Variants in SNX31 observed in about 807,000 individuals in gnomAD.
The protein encoded by SNX31 is sorting nexin 31.
Under a neutral mutation model 65.4 loss-of-function variants are expected in SNX31, and 58 were observed. The ratio of observed to expected loss-of-function variants is 0.89; its 90% CI spans 0.72 to 1.10. SNX31 has a LOEUF of 1.10. Ranked by LOEUF, SNX31 falls within the 50% of genes least tolerant of loss-of-function variation. SNX31 has a pLI of 0.00. For synonymous variants in SNX31, 181 were observed against 190.1 expected (o/e 0.95, Z 0.39); for missense variants, 523 against 529.7 (o/e 0.99, Z 0.12).
intron 2 of SNX31, among the ~76,000 whole-genome samples, chr8:100,637,001 G>A (rs1004980377): frequency 6.6e-6 from 1 of 152,172 alleles, no homozygotes; most frequent in Non-Finnish European, 1.5e-5. Context: ...GATTACAGGC[G>A]TGAGCCACCA....
chr8:100,607,500 G>A (rs755377488), intron 8 of SNX31, among the ~76,000 whole-genome samples: 1 of 152,134 alleles, frequency 6.6e-6, no homozygotes, highest in Non-Finnish European at 1.5e-5. Context: ...AATTTTCAGG[G>A]TCTACCTAGT....
chr8:100,644,189 C>T (rs1819467399), intron 2 of SNX31, among the ~76,000 whole-genome samples: 1 of 152,112 alleles, frequency 6.6e-6, no homozygotes, highest in African/African-American at 2.4e-5. Flanking sequence ...ACTGAACCAG[C>T]GCACACAGGC....
intron 5 of SNX31, among the ~76,000 whole-genome samples, chr8:100,617,034 C>A (rs188826285): frequency 6.6e-6 from 1 of 152,094 alleles, no homozygotes; most frequent in African/African-American, 2.4e-5. Context: ...CCCCACTCAG[C>A]AGATGGAAAA....
At chr8:100,627,629 C>T (rs890049592) in intron 4 of SNX31, among the ~76,000 whole-genome samples, 1 of 152,158 alleles carries the variant, frequency 6.6e-6, no homozygotes, top group African/African-American at 2.4e-5. Context: ...GTAACCTCCA[C>T]CTCCTGGGTT....
At position 100,629,033 on chromosome 8, in the gene SNX31, G is replaced by T. The variant is rs539253563; in HGVS notation, c.321+1294C>A. Among the ~76,000 whole-genome samples, 102 of 152,222 alleles carry T rather than the reference G, an allele frequency of 6.7e-4. No individual in the cohort carries two copies. The highest frequency in any genetic ancestry group is 1.2e-3 in the South Asian group (6 of 4,812). Reference sequence around the variant, plus strand: ...ATAGTATACAGGTTTGTAGCCTAGGGGCAGTAGGCTCTACCATCTAGGTTT... The same window carrying T: ...ATAGTATACAGGTTTGTAGCCTAGGTGCAGTAGGCTCTACCATCTAGGTTT... On this transcript the variant is annotated intron_variant, in intron 4 of 13. Transcript: ENST00000311812. This position sits in a 1 kb window ranked among gnomAD's most constrained non-coding sequence, Gnocchi z 5.1.
At chr8:100,591,388 C>T (rs1814563736) in intron 10 of SNX31, among the ~76,000 whole-genome samples, 1 of 150,474 alleles carries the variant, frequency 6.6e-6, no homozygotes, top group Non-Finnish European at 1.5e-5. Context: ...ACTCGGGAGG[C>T]TGAGGCAGGA....
At chr8:100,584,248 C>T (rs897792486) in intron 11 of SNX31, 60 bp from the exon 12 acceptor site, 4 of 1,352,024 alleles carry the variant, frequency 3.0e-6, no homozygotes, top group Non-Finnish European at 2.0e-6. Context: ...CTCTTTCTTC[C>T]CTCCTCACAC....
intron 3 of SNX31, among the ~76,000 whole-genome samples, chr8:100,631,935 G>A (rs1818443519): frequency 6.6e-6 from 1 of 152,190 alleles, no homozygotes; most frequent in Non-Finnish European, 1.5e-5. Context: ...TGACTATTAA[G>A]TACCAGTATT....
At chr8:100,636,792 G>A (rs1818807462) in intron 2 of SNX31, among the ~76,000 whole-genome samples, 2 of 151,982 alleles carry the variant, frequency 1.3e-5, no homozygotes, top group Admixed American at 1.3e-4. Flanking sequence ...CTCAATCTTG[G>A]CTCACTGCAA....
At chr8:100,635,176 C>T (rs1818673562) in intron 3 of SNX31, among the ~76,000 whole-genome samples, 1 of 149,000 alleles carries the variant, frequency 6.7e-6, no homozygotes, top group Admixed American at 6.8e-5. Context: ...TCACTTGAGC[C>T]CAGAAATTTG....
At chr8:100,577,858 C>A (rs1813177017) in intron 12 of SNX31, among the ~76,000 whole-genome samples, 1 of 152,162 alleles carries the variant, frequency 6.6e-6, no homozygotes, top group African/African-American at 2.4e-5. Flanking sequence ...GAAATAAACA[C>A]CCTACTCTCA....
At chr8:100,661,349 ACTAAGG>A (rs886894500) in intron 1 of SNX31, among the ~76,000 whole-genome samples, 14 of 151,984 alleles carry the variant, frequency 9.2e-5, no homozygotes, top group Admixed American at 2.0e-4. Flanking sequence ...GATGAAAAAC[ACTAAGG>A]CCCAGAGAGG....
At position 100,596,860 on chromosome 8, in the gene SNX31, A is replaced by G. The variant is rs748401760; in HGVS notation, c.775-18T>C. The G allele has an allele frequency of 4.3e-6, 7 of 1,611,758 alleles. No homozygotes were observed. The African/African-American group carries it at 6.7e-5, about 15-fold the overall frequency. The stretch of plus-strand genomic sequence containing the variant: ...TCCAAAAACTGCTCCAAAGAGGGTG[A>G]TGTGGGGGGAGGGGAGGCAAGAGGA... On this transcript the variant is annotated intron_variant, in intron 9 of 13. Coordinates refer to ENST00000311812, the MANE Select transcript of SNX31 (RefSeq NM_152628.4).
upstream of SNX31, among the ~76,000 whole-genome samples, chr8:100,653,395 A>T (rs1214335443): frequency 1.3e-5 from 2 of 152,218 alleles, no homozygotes; most frequent in East Asian, 3.8e-4. Context: ...CAGACATCAT[A>T]AGGTAAGGCT....
At chr8:100,641,613 C>CCT (rs1334264136) in intron 2 of SNX31, among the ~76,000 whole-genome samples, 1 of 68,682 alleles carries the variant, frequency 1.5e-5, no homozygotes, top group Admixed American at 1.9e-4. Flanking sequence ...CACACACACA[C>CCT]GCACACACGC....
Position 100,588,444 on chromosome 8 carries a change from A to G in SNX31, c.1092+422T>C, listed in dbSNP as rs1343832862. On this transcript the variant is annotated intron_variant, in intron 11 of 13. Transcript: ENST00000311812. The surrounding 1 kb of genome is among the most constrained non-coding windows in gnomAD (Gnocchi z 4.8). ...AGGGGTTGGCAAACAAGGCCAGACC[A>G]CCATCTGTTTCTATAAATAAAGTTT... Among the ~76,000 whole-genome samples the G allele has an allele frequency of 6.6e-6, 1 of 152,232 alleles. No homozygotes were observed. The highest frequency in any genetic ancestry group is 1.5e-5 in the Non-Finnish European group (1 of 68,040).
At chr8:100,631,437 C>CTTTTTTT (rs10652417) in intron 3 of SNX31, among the ~76,000 whole-genome samples, 2 of 129,638 alleles carry the variant, frequency 1.5e-5, no homozygotes, top group Admixed American at 8.1e-5. Context: ...TGCTGTTTTA[C>CTTTTTTT]TTTTTTTTTT....
chr8:100,620,934 A>G (rs1244396621), intron 4 of SNX31, among the ~76,000 whole-genome samples: 2 of 152,178 alleles, frequency 1.3e-5, no homozygotes, highest in African/African-American at 4.8e-5. Flanking sequence ...CTTGGCCAAC[A>G]TGGTGAAACC....
intron 5 of SNX31, among the ~76,000 whole-genome samples, chr8:100,617,100 A>G (rs548646930): frequency 1.3e-5 from 2 of 152,248 alleles, no homozygotes; most frequent in South Asian, 2.1e-4. Context: ...GTCTTGTCCT[A>G]TTAGTCCTCA....
Sources: gnomAD v4.1 joint callset for allele counts (sites outside exome capture counted in the v4.1 genomes callset) on GRCh38, gnomAD v4.1.1 for gene constraint, Gnocchi (gnomAD v3.1) non-coding constraint, MANE v1.5 for transcripts, NCBI Gene and HGNC (gene_info 2026-07-23, HGNC 2026-07-21) for gene names.